Variants in EDC3 observed in about 807,000 individuals in gnomAD.
The protein encoded by EDC3 is enhancer of mRNA decapping 3, also known as enhancer of mRNA-decapping protein 3.
A neutral mutation model predicts 41.8 loss-of-function variants in EDC3; 20 were observed. The observed-to-expected ratio is 0.48, with a 90% confidence interval of 0.34 to 0.70. EDC3 has a LOEUF of 0.70. EDC3 is among the 30% of genes least tolerant of loss of function. EDC3 has a pLI of 0.01. For missense variants in EDC3, 444 were observed against 636.8 expected, an observed-to-expected ratio of 0.70 and a Z score of 3.26; for synonymous variants, 206 against 243.2, an observed-to-expected ratio of 0.85 and a Z score of 1.42.
intron 1 of EDC3, among the ~76,000 whole-genome samples, chr15:74,694,230 TAGAC>T (rs140430764): frequency 3.9e-5 from 6 of 152,328 alleles, no homozygotes; most frequent in Non-Finnish European, 7.4e-5. Context: ...TTGTTTTTCT[TAGAC>T]AGAGTCTTGC....
At chr15:74,679,280 C>A (rs2062842630) in intron 1 of EDC3, among the ~76,000 whole-genome samples, 1 of 152,046 alleles carries the variant, frequency 6.6e-6, no homozygotes, top group African/African-American at 2.4e-5. Flanking sequence ...AGCCTCCCCA[C>A]AAAGGCTTTA....
chr15:74,656,579 CAA>C (rs2062551289), intron 3 of EDC3, among the ~76,000 whole-genome samples: 1 of 152,168 alleles, frequency 6.6e-6, no homozygotes, highest in African/African-American at 2.4e-5. Flanking sequence ...TATTAGCAAA[CAA>C]GAGGAAGAGT....
intron 1 of EDC3, among the ~76,000 whole-genome samples, chr15:74,686,339 T>C (rs1203167328): frequency 6.6e-6 from 1 of 150,978 alleles, no homozygotes; most frequent in African/African-American, 2.4e-5. Flanking sequence ...AAAAAAAAAT[T>C]AGCCGGGCAT....
chr15:74,655,709 G>A (rs556581951), intron 4 of EDC3, 24 bp downstream of exon 4: 1 of 1,578,526 alleles, frequency 6.3e-7, no homozygotes, highest in African/African-American at 1.4e-5. Flanking sequence ...CAACCAGCAG[G>A]ATGTGGGACC....
intron 1 of EDC3, among the ~76,000 whole-genome samples, chr15:74,681,711 T>C (rs1434111036): frequency 6.6e-6 from 1 of 152,154 alleles, no homozygotes; most frequent in African/African-American, 2.4e-5. Context: ...AGCAAAAAAA[T>C]GAACCTCAAA....
intron 4 of EDC3, among the ~76,000 whole-genome samples, chr15:74,651,317 G>A (rs1005254621): frequency 6.6e-6 from 1 of 152,226 alleles, no homozygotes; most frequent in East Asian, 1.9e-4. Context: ...GTGACTGCGG[G>A]AGACAGAAGC....
intron 3 of EDC3, among the ~76,000 whole-genome samples, chr15:74,658,137 A>G (rs1420710202): frequency 6.6e-6 from 1 of 152,194 alleles, no homozygotes; most frequent in Non-Finnish European, 1.5e-5. Flanking sequence ...TGAAAACGTG[A>G]ATCAGGTGAC....
intron 1 of EDC3, among the ~76,000 whole-genome samples, chr15:74,678,805 G>A (rs1210476668): frequency 6.6e-6 from 1 of 151,120 alleles, no homozygotes; most frequent in Admixed American, 6.6e-5. Flanking sequence ...CAGAAGAATC[G>A]CTTGAAATGG....
At chr15:74,677,245 T>C (rs2062816083) in intron 1 of EDC3, among the ~76,000 whole-genome samples, 1 of 151,816 alleles carries the variant, frequency 6.6e-6, no homozygotes, top group African/African-American at 2.4e-5. Context: ...GTATTTTTAG[T>C]AGAGACGGGG....
chr15:74,663,184 G>A (rs1272989226), intron 3 of EDC3, among the ~76,000 whole-genome samples: 1 of 152,168 alleles, frequency 6.6e-6, no homozygotes, highest in East Asian at 1.9e-4. Flanking sequence ...CTACTCCAGA[G>A]GCTGAGGCAG....
At chr15:74,639,544 C>T (rs2062320895) in intron 5 of EDC3, 1 of 152,116 alleles carries the variant, frequency 6.6e-6, no homozygotes, top group Admixed American at 6.5e-5. Flanking sequence ...GAAACCCTGT[C>T]TCTACCAGAA....
rs879330573 is a variant in EDC3, at chr15:74,640,395, G to A, written c.974+71C>T. On this transcript the variant is annotated intron_variant, in intron 5 of 6. Transcript: ENST00000315127. ...AATGAACTCGTATGTGTGTATGGGA[G>A]GCACTGTGGTGGTGGCCAGGCAGAG... The A allele has an allele frequency of 1.4e-5, 22 of 1,533,730 alleles. No homozygotes were observed. The Admixed American group carries it at 4.0e-4, about 28-fold the overall frequency.
intron 5 of EDC3, chr15:74,639,260 TCATAG>T (rs2062316566): frequency 6.6e-6 from 1 of 152,160 alleles, no homozygotes; most frequent in Non-Finnish European, 1.5e-5. Flanking sequence ...ACTAACTATG[TCATAG>T]CTCTACTGAA....
At chr15:74,633,031 G>GC in intron 6 of EDC3, 85 bp from the exon 7 acceptor site, 1 of 1,400,088 alleles carries the variant, frequency 7.1e-7, no homozygotes, top group South Asian at 1.3e-5. Flanking sequence ...CACCCCAAGG[G>GC]TGTCTTTGTT....
intron 4 of EDC3, among the ~76,000 whole-genome samples, chr15:74,651,911 C>T (rs2062484992): frequency 6.6e-6 from 1 of 152,186 alleles, no homozygotes; most frequent in Non-Finnish European, 1.5e-5. Flanking sequence ...TACCTTAAAC[C>T]TGCTCAGAAC....
chr15:74,657,405 G>A (rs1422640784), intron 3 of EDC3, among the ~76,000 whole-genome samples: 1 of 152,226 alleles, frequency 6.6e-6, no homozygotes, highest in Non-Finnish European at 1.5e-5. Flanking sequence ...GATCCCACTG[G>A]CACTGAAACA....
At chr15:74,692,351 T>C (rs2063017324) in intron 1 of EDC3, among the ~76,000 whole-genome samples, 1 of 152,200 alleles carries the variant, frequency 6.6e-6, no homozygotes, top group Admixed American at 6.5e-5. Context: ...CAACTAACTA[T>C]ATTAAGAAAT....
intron 1 of EDC3, among the ~76,000 whole-genome samples, chr15:74,676,567 T>G (rs926986810): frequency 6.6e-6 from 1 of 152,092 alleles, no homozygotes; most frequent in African/African-American, 2.4e-5. Context: ...GCCAGCAAAT[T>G]TGACAACTAG....
rs2062228218 is a variant in EDC3, at chr15:74,632,817, C to T, written c.1322G>A (p.Ser441Asn). Residue 441 changes from serine (S) to asparagine (N), a missense_variant, in exon 7 of 7, where the codon AGC becomes AAC. This residue lies in a region of EDC3 where 242 missense variants were observed against 363.8 expected (regional missense o/e 0.67). Transcript: ENST00000315127. This position sits in a 1 kb window ranked among gnomAD's most constrained non-coding sequence, Gnocchi z 4.0. ...WANQNRAPVL[S>N]IDPPVHEVEQ... Reference sequence around the variant, plus strand: ...GACTTCATGCACAGGAGGGTCTATGCTGAGTACTGGTGCCCGGTTCTGGTT... The same window carrying T: ...GACTTCATGCACAGGAGGGTCTATGTTGAGTACTGGTGCCCGGTTCTGGTT... 6.2e-7 allele frequency: 1 copy of T among 1,614,248 alleles called. No homozygotes were observed. Among genetic ancestry groups the T allele is most frequent in the Admixed American group, 1.7e-5 (1 of 60,032 alleles).
Sources: allele counts gnomAD v4.1 joint callset (sites outside exome capture counted in the v4.1 genomes callset), GRCh38; gene constraint gnomAD v4.1.1; regional missense constraint gnomAD v4.1.1; non-coding constraint Gnocchi (gnomAD v3.1); transcripts MANE v1.5; gene names NCBI Gene and HGNC (gene_info 2026-07-23, HGNC 2026-07-21).